Variants in ASPRV1 observed in about 807,000 individuals in gnomAD.
The protein encoded by ASPRV1 is aspartic peptidase retroviral like 1.
ASPRV1 carries 7 observed loss-of-function variants against 11.0 expected under a neutral mutation model. The observed-to-expected ratio is 0.64, with a 90% CI of 0.36 to 1.20. ASPRV1 has a LOEUF of 1.20. Ranked by LOEUF, ASPRV1 falls within the 50% of genes most tolerant of loss-of-function variation. ASPRV1 has a pLI of 0.02. For missense variants in ASPRV1, 299 were observed against 320.0 expected (o/e 0.93, Z 0.50); for synonymous variants, 136 against 138.4 (o/e 0.98, Z 0.12).
chr2:70,047,079 G>C, the ASPRV1 span, among the ~76,000 whole-genome samples: 1 of 152,142 alleles, frequency 6.6e-6, no homozygotes, highest in African/African-American at 2.4e-5. Context: ...GAACTTTCCA[G>C]GTCAATATTC....
At chr2:69,965,388 A>G (rs1678302817), upstream of ASPRV1, among the ~76,000 whole-genome samples, 1 of 152,146 alleles carries the variant, frequency 6.6e-6, no homozygotes, top group African/African-American at 2.4e-5. Context: ...GGGCGACACC[A>G]GAATTGTCTT....
In ASPRV1 at chr2:69,960,510, C is replaced by T; in HGVS notation, c.*147G>A. The T allele has an allele frequency of 1.2e-6, 1 of 845,762 alleles. No individual in the cohort carries two copies. The highest frequency in any genetic ancestry group is 1.8e-6 in the Non-Finnish European group (1 of 557,032). The allele number at this position is 845,762 out of a possible 1,614,324, so 52.4% of individuals were successfully genotyped here. On this transcript the variant is annotated 3_prime_UTR_variant, in exon 1 of 1. Transcript: ENST00000320256. ...TCCCCTACCAGGGGCAGATTAAGGC[C>T]CCTGCAGAGGGAGGCAAAGGGGAGA...
the ASPRV1 span, among the ~76,000 whole-genome samples, chr2:70,075,664 T>C: frequency 6.6e-6 from 1 of 151,892 alleles, no homozygotes; most frequent in South Asian, 2.1e-4. Context: ...CTGAGGAACA[T>C]CGAGAAACCC....
the ASPRV1 span, among the ~76,000 whole-genome samples, chr2:70,068,183 C>T: frequency 1.3e-5 from 2 of 152,214 alleles, no homozygotes. Context: ...GGTATAGATG[C>T]CAGCTTCAAG....
the ASPRV1 span, among the ~76,000 whole-genome samples, chr2:70,056,961 T>A: frequency 1.1e-4 from 16 of 152,158 alleles, no homozygotes; most frequent in Admixed American, 5.2e-4. Flanking sequence ...GGTCTCAAAC[T>A]CCTGACCTCA....
chr2:70,002,368 T>A, the ASPRV1 span, among the ~76,000 whole-genome samples: 1 of 152,230 alleles, frequency 6.6e-6, no homozygotes, highest in Non-Finnish European at 1.5e-5. Flanking sequence ...ACATTTCTTG[T>A]GTGTTCTTCA....
At chr2:70,082,522 C>T in the ASPRV1 span, among the ~76,000 whole-genome samples, 2 of 152,098 alleles carry the variant, frequency 1.3e-5, no homozygotes, top group African/African-American at 4.8e-5. Context: ...GCCAGCCTGA[C>T]CAACATGGAG....
the ASPRV1 span, among the ~76,000 whole-genome samples, chr2:70,069,595 C>T: frequency 2.0e-5 from 3 of 152,188 alleles, no homozygotes; most frequent in South Asian, 2.1e-4. Flanking sequence ...AGGGAACTTG[C>T]GAATTCTTTA....
At chr2:69,986,672 G>C in the ASPRV1 span, among the ~76,000 whole-genome samples, 3 of 151,396 alleles carry the variant, frequency 2.0e-5, no homozygotes, top group East Asian at 5.8e-4. Flanking sequence ...AATCCAGATG[G>C]TGGGGGACAA....
chr2:69,975,914 G>A, the ASPRV1 span: 1 of 152,522 alleles, frequency 6.6e-6, no homozygotes. Flanking sequence ...ACCTCAGGGT[G>A]CAAGGGGTTA....
the ASPRV1 span, chr2:69,996,874 G>A: frequency 6.3e-6 from 2 of 316,928 alleles, no homozygotes; most frequent in African/African-American, 4.4e-5. Flanking sequence ...CAAGGAGTGT[G>A]GAAAATTCTG....
At chr2:70,067,324 G>C in the ASPRV1 span, among the ~76,000 whole-genome samples, 1 of 152,192 alleles carries the variant, frequency 6.6e-6, no homozygotes, top group African/African-American at 2.4e-5. Context: ...GAAGGAGCAA[G>C]TGAGAAAAAG....
chr2:69,943,946 A>G, the ASPRV1 span, among the ~76,000 whole-genome samples: 2 of 152,250 alleles, frequency 1.3e-5, no homozygotes, highest in Non-Finnish European at 2.9e-5. Flanking sequence ...TTTTTAAGTT[A>G]ACTGCATTGG....
chr2:69,983,097 T>G, the ASPRV1 span, among the ~76,000 whole-genome samples: 4 of 152,098 alleles, frequency 2.6e-5, no homozygotes, highest in Non-Finnish European at 5.9e-5. Flanking sequence ...TTTTGTATCT[T>G]TAGTAGAGAC....
At chr2:70,084,920 T>C in the ASPRV1 span, among the ~76,000 whole-genome samples, 1 of 152,184 alleles carries the variant, frequency 6.6e-6, no homozygotes, top group Non-Finnish European at 1.5e-5. Flanking sequence ...CTTTGGAAAA[T>C]ATATCTGATA....
At chr2:69,969,679 T>C in the ASPRV1 span, among the ~76,000 whole-genome samples, 1 of 152,068 alleles carries the variant, frequency 6.6e-6, no homozygotes, top group African/African-American at 2.4e-5. Context: ...ACCTTACATG[T>C]CTGCCTACGA....
At chr2:70,073,355 T>C in the ASPRV1 span, 1 of 152,188 alleles carries the variant, frequency 6.6e-6, no homozygotes, top group Non-Finnish European at 1.5e-5. Flanking sequence ...TCTATTTTTT[T>C]AAATATCCAA....
At chr2:69,937,202 G>T in the ASPRV1 span, 1 of 1,611,012 alleles carries the variant, frequency 6.2e-7, no homozygotes, top group Non-Finnish European at 8.5e-7. Flanking sequence ...AGATCTCCCT[G>T]TGGGGCCCAA....
the ASPRV1 span, chr2:70,030,032 A>G: frequency 6.6e-6 from 1 of 152,234 alleles, no homozygotes; most frequent in Non-Finnish European, 1.5e-5. Flanking sequence ...GAGCCATTAC[A>G]TAATCCACAC....
Sources: allele counts gnomAD v4.1 joint callset (sites outside exome capture counted in the v4.1 genomes callset), GRCh38; gene constraint gnomAD v4.1.1; transcripts MANE v1.5; gene names NCBI Gene and HGNC (gene_info 2026-07-23, HGNC 2026-07-21).